DESI2: variants seen among roughly 807,000 people sequenced by gnomAD.
DESI2 encodes the protein desumoylating isopeptidase 2, also known as deubiquitinase DESI2.
DESI2 carries 10 observed loss-of-function variants against 24.1 expected under a neutral mutation model. The ratio of observed to expected loss-of-function variants is 0.41; its 90% confidence interval spans 0.26 to 0.70. DESI2 has a LOEUF of 0.70. DESI2 is among the 30% of genes least tolerant of loss of function. The pLI, the probability that DESI2 is intolerant of heterozygous loss-of-function variation, is 0.29. For synonymous variants in DESI2, 71 were observed against 87.7 expected (o/e 0.81, Z 1.06); for missense variants, 122 against 234.9 (o/e 0.52, Z 3.14).
chr1:244,660,872 T>C (rs1304961040), intron 1 of DESI2, among the ~76,000 whole-genome samples: 4 of 152,202 alleles, frequency 2.6e-5, no homozygotes, highest in African/African-American at 9.7e-5. Context: ...CCACACTGTT[T>C]TAATTATTAT....
At chr1:244,671,072 A>C (rs1329523081) in intron 1 of DESI2, among the ~76,000 whole-genome samples, 1 of 152,218 alleles carries the variant, frequency 6.6e-6, no homozygotes, top group African/African-American at 2.4e-5. Context: ...TTACATAGGT[A>C]GTTGACATTG....
intron 1 of DESI2, among the ~76,000 whole-genome samples, chr1:244,686,368 C>G (rs912967848): frequency 1.7e-4 from 26 of 151,800 alleles, no homozygotes; most frequent in African/African-American, 5.8e-4. Flanking sequence ...TATTGCTTCC[C>G]CTAGAAGCCT....
rs1051088963 is a variant in DESI2 at position 244,708,110 on chromosome 1, T to C, written c.*2321T>C. ...GCATTTAGCCAGCTTTTTCTTGCCC[T>C]TGGAGAAAAAGAATCATTCTCAACC... is the stretch of plus-strand genomic sequence containing the variant. On this transcript the variant is annotated 3_prime_UTR_variant, in exon 5 of 5. Transcript: ENST00000302550. The C allele has an allele frequency of 1.3e-5, 2 of 152,228 alleles. No individual in the cohort carries two copies. The highest frequency in any genetic ancestry group is 2.9e-5 in the Non-Finnish European group (2 of 68,042). The allele number at this position is 152,228 out of a possible 1,614,324, so 9.4% of individuals were successfully genotyped here.
intron 1 of DESI2, among the ~76,000 whole-genome samples, chr1:244,665,725 G>A (rs1454838377): frequency 6.6e-6 from 1 of 152,180 alleles, no homozygotes; most frequent in Non-Finnish European, 1.5e-5. Flanking sequence ...AGTTCCCCAA[G>A]GAAGAACGAA....
At position 244,665,595 on chromosome 1, in the gene DESI2, G is replaced by A. The variant is rs529305230; in HGVS notation, c.42+12240G>A. ...CCAGTTTTAGTCAGACACCAGTCTA[G>A]ATGTTGCTGCTAAGGTGCTTTTTAG... On this transcript the variant is annotated intron_variant, in intron 1 of 4. Coordinates refer to ENST00000302550, the MANE Select transcript of DESI2 (RefSeq NM_016076.5). Among the ~76,000 whole-genome samples, 7 of 152,300 alleles carry A rather than the reference G, an allele frequency of 4.6e-5. No individual in the cohort carries two copies. In the East Asian group the frequency reaches 1.2e-3, roughly 25 times the overall value.
intron 1 of DESI2, among the ~76,000 whole-genome samples, chr1:244,669,141 A>G (rs1258684949): frequency 1.3e-5 from 2 of 151,888 alleles, no homozygotes; most frequent in African/African-American, 4.8e-5. Flanking sequence ...AGCTGGGACT[A>G]TGCACCGCCA....
chr1:244,695,687 A>G (rs1422139716), intron 4 of DESI2, among the ~76,000 whole-genome samples: 1 of 152,204 alleles, frequency 6.6e-6, no homozygotes, highest in Admixed American at 6.5e-5. Context: ...TTTCAGTAGA[A>G]AATTCAAAAC....
chr1:244,701,409 A>G (rs1458892927), intron 4 of DESI2, among the ~76,000 whole-genome samples: 1 of 152,196 alleles, frequency 6.6e-6, no homozygotes, highest in Non-Finnish European at 1.5e-5. Context: ...GGAGAATGGT[A>G]TATTAGCAGA....
chr1:244,686,660 T>C lies in DESI2; in HGVS notation c.106T>C (p.Tyr36His). Residue 36 changes from tyrosine to histidine, a missense_variant, in exon 2 of 5, where the codon TAT (tyrosine) becomes CAT (histidine). Around this residue, in one of 6 missense-constraint regions of DESI2, gnomAD observed 16 missense variants for 65.7 expected, o/e 0.24. Transcript: ENST00000302550. ...IGVFHSGIEV[Y>H]GREFAYGGHP... ...AGTTTTTCATTCAGGAATTGAAGTC[T>C]ATGGCAGAGGTACGTGTACACACAG... 1.2e-6 allele frequency: 2 copies of C among 1,602,812 alleles called. No individual in the cohort carries two copies. Among genetic ancestry groups the C allele is most frequent in the Non-Finnish European group, 1.7e-6 (2 of 1,169,666 alleles).
At chr1:244,654,730 T>C (rs1675586369) in intron 1 of DESI2, among the ~76,000 whole-genome samples, 1 of 152,264 alleles carries the variant, frequency 6.6e-6, no homozygotes, top group Admixed American at 6.5e-5. Context: ...TTTAAACTTT[T>C]TGTGTTCAGC....
At position 244,686,492 on chromosome 1, in the gene DESI2, C is replaced by G. The variant is rs147583228; in HGVS notation, c.43-105C>G. The G allele has an allele frequency of 9.4e-4, 689 of 733,226 alleles. 10 individuals carry two copies. In the East Asian group the frequency reaches 0.015, roughly 16 times the overall value. The allele number at this position is 733,226 out of a possible 1,614,324, so 45.4% of individuals were successfully genotyped here. A position where few individuals can be genotyped will look rare whatever the true frequency, so the allele number is the denominator to read the frequency against. On this transcript the variant is annotated intron_variant, in intron 1 of 4. Coordinates refer to ENST00000302550, the MANE Select transcript of DESI2 (RefSeq NM_016076.5). ...AGAGACAGGACCACTGGATCGTTAT[C>G]ATGGGAGTTTCAGAGTGAAAGACTG... is the stretch of plus-strand genomic sequence containing the variant.
intron 1 of DESI2, among the ~76,000 whole-genome samples, chr1:244,658,361 A>G (rs148267481): frequency 1.3e-5 from 2 of 152,164 alleles, no homozygotes; most frequent in Non-Finnish European, 2.9e-5. Context: ...ATCTTTATGC[A>G]TGCCCATCCT....
chr1:244,656,265 C>G (rs1486732845), intron 1 of DESI2: 1 of 152,166 alleles, frequency 6.6e-6, no homozygotes, highest in South Asian at 2.1e-4. Context: ...GTCACCCGTT[C>G]CAGTTCTGAT....
chr1:244,686,250 C>G (rs553967362), intron 1 of DESI2, among the ~76,000 whole-genome samples: 42 of 150,510 alleles, frequency 2.8e-4, no homozygotes, highest in Admixed American at 6.6e-4. Flanking sequence ...AAAGCACACT[C>G]TGTGTGTGTG....
At chr1:244,697,904 G>C (rs1401515915) in intron 4 of DESI2, among the ~76,000 whole-genome samples, 3 of 152,254 alleles carry the variant, frequency 2.0e-5, no homozygotes, top group Admixed American at 2.0e-4. Context: ...AAGTAAAAAA[G>C]GGCAGAGGAC....
chr1:244,697,520 G>C (rs1045576373), intron 4 of DESI2, among the ~76,000 whole-genome samples: 2 of 151,636 alleles, frequency 1.3e-5, no homozygotes, highest in Non-Finnish European at 2.9e-5. Flanking sequence ...GGATGAAATG[G>C]GTAGAGGTAT....
chr1:244,658,750 T>C (rs1675736285), intron 1 of DESI2, among the ~76,000 whole-genome samples: 1 of 152,160 alleles, frequency 6.6e-6, no homozygotes, highest in African/African-American at 2.4e-5. Flanking sequence ...GTACCTTTGC[T>C]TAAGTGCATT....
intron 4 of DESI2, among the ~76,000 whole-genome samples, chr1:244,693,248 T>C (rs957119537): frequency 6.6e-6 from 1 of 152,220 alleles, no homozygotes; most frequent in Non-Finnish European, 1.5e-5. Flanking sequence ...CCTCTGGTTC[T>C]AATTCATCCT....
intron 4 of DESI2, among the ~76,000 whole-genome samples, chr1:244,700,324 C>T (rs944993466): frequency 1.3e-5 from 2 of 152,146 alleles, no homozygotes; most frequent in Non-Finnish European, 2.9e-5. Flanking sequence ...GAAAATTTAG[C>T]ATCGTGAATA....
Sources: gnomAD v4.1 joint callset for allele counts (sites outside exome capture counted in the v4.1 genomes callset) on GRCh38, gnomAD v4.1.1 for gene constraint, gnomAD v4.1.1 regional missense constraint, MANE v1.5 for transcripts, NCBI Gene and HGNC (gene_info 2026-07-23, HGNC 2026-07-21) for gene names.